DLGAP1: variants seen among roughly 807,000 people sequenced by gnomAD.
DLGAP1 encodes DLG associated protein 1.
In DLGAP1, 11 loss-of-function variants were observed where a neutral mutation model predicts 90.8. The ratio of observed to expected loss-of-function variants is 0.12; its 90% confidence interval spans 0.08 to 0.20. The LOEUF (loss-of-function observed/expected upper bound fraction) is 0.20. Among genes scored for constraint, DLGAP1 ranks in the 10% least tolerant of loss-of-function variants. DLGAP1 has a pLI of 1.00. For missense variants in DLGAP1, 1,050 were observed against 1,333.8 expected, an observed-to-expected ratio of 0.79 and a Z score of 3.31; for synonymous variants, 558 against 540.7, an observed-to-expected ratio of 1.03 and a Z score of -0.44.
intron 3 of DLGAP1, among the ~76,000 whole-genome samples, chr18:3,906,933 T>G (rs2071920500): frequency 2.0e-5 from 3 of 152,220 alleles, no homozygotes; most frequent in Admixed American, 6.5e-5. Flanking sequence ...AATATACGTT[T>G]GTATTTTAAA....
At chr18:4,416,829 G>A (rs928419450) in intron 1 of DLGAP1, among the ~76,000 whole-genome samples, 7 of 152,322 alleles carry the variant, frequency 4.6e-5, no homozygotes, top group African/African-American at 1.4e-4. Context: ...GAAGACCTGG[G>A]TTCAAACACA....
chr18:4,321,970 G>T (rs75625348), intron 1 of DLGAP1, among the ~76,000 whole-genome samples: 1 of 152,146 alleles, frequency 6.6e-6, no homozygotes, highest in African/African-American at 2.4e-5. Flanking sequence ...GGCCTAGGGG[G>T]GTGGATCACA....
intron 3 of DLGAP1, among the ~76,000 whole-genome samples, chr18:3,903,561 C>A (rs532938593): frequency 9.0e-4 from 137 of 152,216 alleles, no homozygotes; most frequent in Non-Finnish European, 1.4e-3. Context: ...TCTTTTAAAC[C>A]TCAGATGAAT....
At chr18:4,253,299 G>A (rs1229245923) in intron 1 of DLGAP1, among the ~76,000 whole-genome samples, 1 of 152,060 alleles carries the variant, frequency 6.6e-6, no homozygotes, top group Admixed American at 6.5e-5. Flanking sequence ...TAAGCAGTGG[G>A]GTTATGATTT....
chr18:4,135,886 T>C (rs564894314), intron 2 of DLGAP1, among the ~76,000 whole-genome samples: 21 of 151,912 alleles, frequency 1.4e-4, no homozygotes, highest in African/African-American at 5.1e-4. Context: ...TTTATTATTA[T>C]ACTTTAAGTT....
rs753822714 is a variant in DLGAP1 at position 3,772,132 on chromosome 18, TTC to T, written c.1173-29622_1173-29621del. 5.0e-4 allele frequency among the ~76,000 whole-genome samples: 76 copies of T among 151,484 alleles called. No homozygotes were observed. In the East Asian group the frequency reaches 6.4e-3, roughly 13 times the overall value. ...TTTTCTTTCCTTTCTTTCTTTTCTTTTCTTTCTCTCCTTCCTTCCTTCCCTTT... is the reference window on the plus strand; with the variant it reads ...TTTTCTTTCCTTTCTTTCTTTTCTTTTTTCTCTCCTTCCTTCCTTCCCTTT... On this transcript the variant is annotated intron_variant, in intron 5 of 12. Transcript: ENST00000315677.
At chr18:4,436,203 CT>C (rs2083395292) in intron 1 of DLGAP1, among the ~76,000 whole-genome samples, 1 of 151,986 alleles carries the variant, frequency 6.6e-6, no homozygotes, top group Non-Finnish European at 1.5e-5. Flanking sequence ...TTTTATGTTT[CT>C]TTTTTCTTTT....
chr18:4,093,378 T>C (rs932496502), intron 2 of DLGAP1, among the ~76,000 whole-genome samples: 11 of 152,226 alleles, frequency 7.2e-5, no homozygotes, highest in African/African-American at 2.4e-4. Context: ...AACTAGGTTC[T>C]GTGGGGAACC....
intron 3 of DLGAP1, among the ~76,000 whole-genome samples, chr18:3,898,033 A>C (rs573627732): frequency 6.6e-6 from 1 of 151,804 alleles, no homozygotes; most frequent in Non-Finnish European, 1.5e-5. Context: ...TGACCTCGTG[A>C]TCCGCCCGCC....
At chr18:3,502,395 A>G in intron 12 of DLGAP1, 98 bp downstream of exon 12, 1 of 1,543,488 alleles carries the variant, frequency 6.5e-7, no homozygotes, top group Non-Finnish European at 8.7e-7. Context: ...GCTCCATTTC[A>G]CATTGTAAAC....
At chr18:4,143,985 G>A (rs1422842891) in intron 2 of DLGAP1, among the ~76,000 whole-genome samples, 2 of 152,152 alleles carry the variant, frequency 1.3e-5, no homozygotes, top group African/African-American at 4.8e-5. Flanking sequence ...TAAGATGCAA[G>A]ACAAAGTCCT....
intron 1 of DLGAP1, among the ~76,000 whole-genome samples, chr18:4,397,837 T>G (rs1370345065): frequency 6.6e-6 from 1 of 152,200 alleles, no homozygotes; most frequent in African/African-American, 2.4e-5. Flanking sequence ...GGTAAAGATT[T>G]CTTAAATCAT....
intron 1 of DLGAP1, among the ~76,000 whole-genome samples, chr18:4,365,059 C>A (rs567986484): frequency 6.6e-6 from 1 of 152,206 alleles, no homozygotes; most frequent in South Asian, 2.1e-4. Context: ...ATAAGCAAAA[C>A]CCTCCATGGA....
intron 2 of DLGAP1, among the ~76,000 whole-genome samples, chr18:4,132,842 TC>T (rs2076337482): frequency 1.3e-5 from 2 of 152,164 alleles, no homozygotes; most frequent in Admixed American, 6.6e-5. Context: ...AAAGCATAAT[TC>T]CTGTTATCCA....
rs549902142 is a variant in DLGAP1 at position 3,961,140 on chromosome 18, G to A, written c.-73+43976C>T. Reference sequence around the variant, plus strand: ...AAGCCGCACACTAACCTCAGACACAGAGAGGGAAGACAGAAGGGCTCCGGA... The same window carrying A: ...AAGCCGCACACTAACCTCAGACACAAAGAGGGAAGACAGAAGGGCTCCGGA... On this transcript the variant is annotated intron_variant, in intron 3 of 12. Coordinates refer to ENST00000315677, the MANE Select transcript of DLGAP1 (RefSeq NM_004746.4). Among the ~76,000 whole-genome samples the A allele has an allele frequency of 3.9e-5, 6 of 152,236 alleles. No individual in the cohort carries two copies. In the East Asian group the frequency reaches 1.2e-3, roughly 30 times the overall value.
intron 1 of DLGAP1, among the ~76,000 whole-genome samples, chr18:4,425,270 A>T (rs1159936275): frequency 6.6e-6 from 1 of 152,166 alleles, no homozygotes; most frequent in East Asian, 1.9e-4. Flanking sequence ...CAACTGTAAA[A>T]CTAACTGTTT....
At position 3,808,967 on chromosome 18, in the gene DLGAP1, T is replaced by C. The variant is rs180673218; in HGVS notation, c.1172+5092A>G. On this transcript the variant is annotated intron_variant, in intron 5 of 12. Transcript: ENST00000315677. The stretch of plus-strand genomic sequence containing the variant: ...CTTCTCAAATTATTTTCTTTACCAA[T>C]ACTACTTCCTTTTGTCTTTAAACTG... Among the ~76,000 whole-genome samples, 426 of 152,342 alleles carry C rather than the reference T, an allele frequency of 2.8e-3. 4 individuals carry two copies. Among genetic ancestry groups the C allele is most frequent in the Non-Finnish European group, 3.9e-3 (264 of 68,034 alleles).
At chr18:3,852,610 T>C (rs531041897) in intron 4 of DLGAP1, among the ~76,000 whole-genome samples, 1 of 152,314 alleles carries the variant, frequency 6.6e-6, no homozygotes, top group African/African-American at 2.4e-5. Flanking sequence ...TGATCCAACA[T>C]GACAGGAAGT....
intron 3 of DLGAP1, among the ~76,000 whole-genome samples, chr18:3,899,975 A>G (rs2071745860): frequency 6.6e-6 from 1 of 152,212 alleles, no homozygotes; most frequent in African/African-American, 2.4e-5. Context: ...ATCATGGCAT[A>G]TATGCAAAAA....
Sources: gnomAD v4.1 joint callset for allele counts (sites outside exome capture counted in the v4.1 genomes callset) on GRCh38, gnomAD v4.1.1 for gene constraint, MANE v1.5 for transcripts, NCBI Gene and HGNC (gene_info 2026-07-23, HGNC 2026-07-21) for gene names.